Variants in ZC3H12B observed in about 807,000 individuals in gnomAD.
The protein encoded by ZC3H12B is zinc finger CCCH-type containing 12B, also known as probable ribonuclease ZC3H12B.
Under a neutral mutation model 43.9 loss-of-function variants are expected in ZC3H12B, and 7 were observed. The observed-to-expected ratio is 0.16, with a 90% CI of 0.09 to 0.30. The LOEUF is 0.30. ZC3H12B is among the 10% of genes least tolerant of loss of function. ZC3H12B has a pLI of 1.00. For missense variants in ZC3H12B, 475 were observed against 670.2 expected, an observed-to-expected ratio of 0.71 and a Z score of 3.22; for synonymous variants, 222 against 241.7, an observed-to-expected ratio of 0.92 and a Z score of 0.76.
the ZC3H12B span, among the ~76,000 whole-genome samples, chrX:65,068,640 A>G: frequency 1.8e-5 from 2 of 111,894 alleles, no homozygotes; most frequent in Non-Finnish European, 3.8e-5. Flanking sequence ...TCTACTTAAT[A>G]TAAGAGTAGT....
At chrX:65,295,729 A>T in the ZC3H12B span, among the ~76,000 whole-genome samples, 1 of 111,880 alleles carries the variant, frequency 8.9e-6, no homozygotes, top group East Asian at 2.8e-4. Flanking sequence ...AGAAATTACC[A>T]CTAAAACCAC....
chrX:65,332,853 C>T, the ZC3H12B span, among the ~76,000 whole-genome samples: 1 of 111,921 alleles, frequency 8.9e-6, no homozygotes, highest in African/African-American at 3.2e-5. Flanking sequence ...TCTCCAGTCT[C>T]CCATTTGTAC....
chrX:65,186,652 G>A, the ZC3H12B span: 1 of 109,856 alleles, frequency 9.1e-6, no homozygotes, highest in Non-Finnish European at 1.9e-5. Flanking sequence ...AGTGTACACT[G>A]TACCCAATGT....
At chrX:65,336,392 C>T in the ZC3H12B span, among the ~76,000 whole-genome samples, 1 of 112,052 alleles carries the variant, frequency 8.9e-6, no homozygotes, top group Admixed American at 9.4e-5. Context: ...AAGCAAAACT[C>T]TCAGTTTTGC....
At chrX:65,341,125 C>A in the ZC3H12B span, among the ~76,000 whole-genome samples, 1 of 111,476 alleles carries the variant, frequency 9.0e-6, no homozygotes, top group Non-Finnish European at 1.9e-5. Flanking sequence ...TGAAGACTGG[C>A]TTTCTGAAAT....
chrX:65,334,195 G>C, the ZC3H12B span, among the ~76,000 whole-genome samples: 1 of 111,768 alleles, frequency 8.9e-6, no homozygotes, highest in South Asian at 3.7e-4. Flanking sequence ...TAAAGATCAG[G>C]TCATTGCTCT....
the ZC3H12B span, among the ~76,000 whole-genome samples, chrX:65,158,046 G>T: frequency 2.8e-5 from 3 of 106,148 alleles, no homozygotes; most frequent in African/African-American, 1.0e-4. Flanking sequence ...CCTTGCGAAA[G>T]TTTACTGAGA....
chrX:65,225,191 G>A, the ZC3H12B span, among the ~76,000 whole-genome samples: 1 of 111,981 alleles, frequency 8.9e-6, no homozygotes. Context: ...CCAGAGGAAT[G>A]ATCAGACAGC....
chrX:65,182,304 G>A, the ZC3H12B span, among the ~76,000 whole-genome samples: 10 of 110,784 alleles, frequency 9.0e-5, no homozygotes, highest in African/African-American at 1.6e-4. Context: ...TAATGCATGC[G>A]TGGCTTAAAA....
At chrX:65,447,507 A>T (rs2067394332) in intron 3 of ZC3H12B, among the ~76,000 whole-genome samples, 1 of 111,278 alleles carries the variant, frequency 9.0e-6, no homozygotes, top group Non-Finnish European at 1.9e-5. Context: ...CCTAGGAAAA[A>T]CTCTTCTGAA....
chrX:65,281,714 A>G, the ZC3H12B span, among the ~76,000 whole-genome samples: 1 of 112,568 alleles, frequency 8.9e-6, no homozygotes, highest in Non-Finnish European at 1.9e-5. Flanking sequence ...TGAAATGTAA[A>G]ACTGCTAGAA....
At chrX:65,407,294 G>T (rs2148059683) in intron 3 of ZC3H12B, among the ~76,000 whole-genome samples, 1 of 98,193 alleles carries the variant, frequency 1.0e-5, no homozygotes, top group African/African-American at 3.7e-5. Context: ...CCATTTGCGG[G>T]ACTGCTCTCG....
intron 3 of ZC3H12B, among the ~76,000 whole-genome samples, chrX:65,431,800 T>C (rs1210914599): frequency 8.9e-6 from 1 of 112,336 alleles, no homozygotes; most frequent in African/African-American, 3.2e-5. Flanking sequence ...AATTGTTATG[T>C]AATCACACGT....
the ZC3H12B span, among the ~76,000 whole-genome samples, chrX:65,190,168 G>A: frequency 9.1e-6 from 1 of 110,232 alleles, no homozygotes; most frequent in East Asian, 2.9e-4. Context: ...TCTCTGTTTT[G>A]GTACCAGTAC....
chrX:65,335,679 G>A, the ZC3H12B span, among the ~76,000 whole-genome samples: 6 of 111,840 alleles, frequency 5.4e-5, no homozygotes, highest in Admixed American at 1.9e-4. Context: ...AAATGGCAAA[G>A]CCTTAACTGC....
At chrX:65,315,577 A>G in the ZC3H12B span, among the ~76,000 whole-genome samples, 5 of 111,608 alleles carry the variant, frequency 4.5e-5, no homozygotes, top group Non-Finnish European at 7.5e-5. Context: ...AAAATCATCC[A>G]GAAATGAAGC....
chrX:65,379,730 A>G (rs2066407990), intron 2 of ZC3H12B, among the ~76,000 whole-genome samples: 1 of 112,083 alleles, frequency 8.9e-6, no homozygotes, highest in African/African-American at 3.2e-5. Context: ...ACGAATGTAT[A>G]ACTAGAATAA....
intron 3 of ZC3H12B, among the ~76,000 whole-genome samples, chrX:65,420,640 G>C (rs897438750): frequency 2.7e-5 from 3 of 111,963 alleles, no homozygotes; most frequent in Non-Finnish European, 5.6e-5. Flanking sequence ...CCTACAGACT[G>C]CCTGTCAATT....
At chrX:65,229,488 T>C in the ZC3H12B span, among the ~76,000 whole-genome samples, 1 of 109,369 alleles carries the variant, frequency 9.1e-6, no homozygotes, top group Non-Finnish European at 1.9e-5. Flanking sequence ...GGACTTCATG[T>C]CTAAAACACC....
Sources: allele counts gnomAD v4.1 joint callset (sites outside exome capture counted in the v4.1 genomes callset), GRCh38; gene constraint gnomAD v4.1.1; transcripts MANE v1.5; gene names NCBI Gene and HGNC (gene_info 2026-07-23, HGNC 2026-07-21).